The following PASD1 variants were observed in gnomAD, a reference collection of about 807,000 sequenced individuals.
PASD1 encodes the protein circadian clock protein PASD1.
In PASD1, 13 loss-of-function variants were observed where a neutral mutation model predicts 58.8. That is an observed-to-expected ratio of 0.22 (90% CI 0.14 to 0.35). The LOEUF is 0.35. PASD1 is among the 10% of genes least tolerant of loss of function. The pLI is 1.00. For missense variants in PASD1, 734 were observed against 568.3 expected (o/e 1.29, Z -2.96); for synonymous variants, 236 against 216.7 (o/e 1.09, Z -0.78).
rs762011795 is a variant in PASD1, at chrX:151,604,681, A to G, written c.64A>G (p.Asn22Asp). 12 of 1,207,658 alleles carry G rather than the reference A, an allele frequency of 9.9e-6. No individual in the cohort carries two copies. In the Admixed American group the frequency reaches 2.4e-4, roughly 24 times the overall value. Residue 22 changes from asparagine (N) to aspartate (D), a missense_variant, in exon 3 of 16, where the codon AAC (asparagine) becomes GAC (aspartate). By Grantham distance (23) the Asn-to-Asp change is conservative. Coordinates refer to ENST00000370357, the MANE Select transcript of PASD1 (RefSeq NM_173493.3). ...TCCAAAAAGCTCTCAAAGGAAATTA[A>G]ACTGGATTCCATCATTTCCTACCTA... ...VNPKSSQRKL[N>D]WIPSFPTYDY...
chrX:151,621,743 A>C (rs1247544471), intron 6 of PASD1, 151 bp downstream of exon 6: 1 of 323,756 alleles, frequency 3.1e-6, no homozygotes, highest in East Asian at 4.8e-5. Flanking sequence ...TAGACTTTTA[A>C]AAATTAACAG....
intron 3 of PASD1, among the ~76,000 whole-genome samples, chrX:151,607,517 A>G (rs2124257861): frequency 9.0e-6 from 1 of 111,715 alleles, no homozygotes; most frequent in South Asian, 3.8e-4. Flanking sequence ...GAACTGAAAT[A>G]TAGGGTAGTT....
At position 151,669,228 on chromosome X, in the gene PASD1, A is replaced by C. The variant is rs189876025; in HGVS notation, c.1072-1810A>C. Among the ~76,000 whole-genome samples the C allele has an allele frequency of 5.0e-3, 524 of 105,111 alleles. 6 individuals are homozygous for C. Among genetic ancestry groups the C allele is most frequent in the African/African-American group, 0.017 (498 of 28,922 alleles). The allele number at this position is 105,111 out of a possible 115,157, so 91.3% of individuals were successfully genotyped here. A position where few individuals can be genotyped will look rare whatever the true frequency, so the allele number is the denominator to read the frequency against. ...AGTATACATAGTTTAGTGCCAATTGATGGTTTTCATATTATATATATACTA... is the reference window on the plus strand; with the variant it reads ...AGTATACATAGTTTAGTGCCAATTGCTGGTTTTCATATTATATATATACTA... On this transcript the variant is annotated intron_variant, in intron 11 of 15. Transcript: ENST00000370357.
chrX:151,664,837 C>A (rs374665459), intron 11 of PASD1, among the ~76,000 whole-genome samples: 2 of 111,571 alleles, frequency 1.8e-5, no homozygotes, highest in East Asian at 5.6e-4. Context: ...TTAGATATAC[C>A]CAACCTTGAA....
Position 151,676,658 on chromosome X carries a change from C to T in PASD1, c.*515C>T, listed in dbSNP as rs1243876359. On this transcript the variant is annotated 3_prime_UTR_variant, in exon 16 of 16. Transcript: ENST00000370357. ...GAGAATGGGACTCCAACTAAGGGAA[C>T]CTGAAATCAACTCAATGGAGGCACT... 8.9e-6 allele frequency: 1 copy of T among 112,726 alleles called. No homozygotes were observed. The allele number at this position is 112,726 out of a possible 1,213,427, so 9.3% of individuals were successfully genotyped here.
intron 8 of PASD1, among the ~76,000 whole-genome samples, chrX:151,627,176 T>C (rs2013798946): frequency 1.8e-5 from 2 of 111,479 alleles, no homozygotes; most frequent in African/African-American, 6.5e-5. Flanking sequence ...TTTTTATTTT[T>C]ATTTATTTAT....
In PASD1 at chrX:151,659,190, C is replaced by T. The variant is rs751380362; in HGVS notation, c.718-523C>T. Among the ~76,000 whole-genome samples, 5 of 112,270 alleles carry T rather than the reference C, an allele frequency of 4.5e-5. No individual in the cohort carries two copies. In the South Asian group the frequency reaches 1.9e-3, roughly 42 times the overall value. On this transcript the variant is annotated intron_variant, in intron 9 of 15. Transcript: ENST00000370357. The stretch of plus-strand genomic sequence containing the variant: ...AAGACATGCAATAGTTGTTAAACAG[C>T]CCCTGGTTGGCCTTTTCTTGCTCTA...
intron 1 of PASD1, among the ~76,000 whole-genome samples, chrX:151,588,954 T>C (rs1239780489): frequency 9.0e-6 from 1 of 111,706 alleles, no homozygotes; most frequent in Non-Finnish European, 1.9e-5. Context: ...CTCTACTTTT[T>C]TTCTCAGTGA....
intron 7 of PASD1, 139 bp downstream of exon 7, chrX:151,623,203 T>A: frequency 1.4e-6 from 1 of 694,170 alleles, no homozygotes; most frequent in South Asian, 4.9e-5. Context: ...CTGGGATATG[T>A]AAATAAGGAA....
At chrX:151,592,889 C>T (rs2013269115) in intron 1 of PASD1, among the ~76,000 whole-genome samples, 2 of 111,606 alleles carry the variant, frequency 1.8e-5, no homozygotes, top group African/African-American at 3.3e-5. Flanking sequence ...GTTAAGTCTT[C>T]GATATCCTTA....
At chrX:151,598,553 C>T (rs2013352598) in intron 1 of PASD1, among the ~76,000 whole-genome samples, 1 of 111,057 alleles carries the variant, frequency 9.0e-6, no homozygotes, top group Non-Finnish European at 1.9e-5. Context: ...CCATTTTGTC[C>T]TTCATGTCTC....
Position 151,674,069 on chromosome X carries a change from A to G in PASD1, c.2058A>G (p.Pro686=), listed in dbSNP as rs1188159247. The G allele has an allele frequency of 8.3e-7, 1 of 1,210,054 alleles. No homozygotes were observed. Among genetic ancestry groups the G allele is most frequent in the Non-Finnish European group, 1.1e-6 (1 of 895,063 alleles). Residue 686 remains proline, a synonymous_variant, in exon 15 of 16, where the codon CCA becomes CCG. Coordinates refer to ENST00000370357, the MANE Select transcript of PASD1 (RefSeq NM_173493.3). ...CAACCATAAGCACCCTGGAGACCCC[A>G]CAGGATTACATCCGGCTTTGGCAAG... ...SDSTISTLET[P]QDYIRLWQEL... is the part of the protein sequence containing the mutation.
chrX:151,586,291 A>G (rs2124236302), intron 1 of PASD1, among the ~76,000 whole-genome samples: 1 of 112,529 alleles, frequency 8.9e-6, no homozygotes, highest in African/African-American at 3.2e-5. Context: ...GAGAGCTTTT[A>G]GAGTAATCAC....
intron 1 of PASD1, among the ~76,000 whole-genome samples, chrX:151,565,472 G>T (rs2012822895): frequency 9.0e-6 from 1 of 110,910 alleles, no homozygotes; most frequent in East Asian, 2.8e-4. Flanking sequence ...CATCAGCAAA[G>T]AACAGGCGTG....
intron 8 of PASD1, among the ~76,000 whole-genome samples, chrX:151,644,544 G>C (rs145345318): frequency 1.2e-3 from 130 of 111,433 alleles, no homozygotes; most frequent in African/African-American, 4.1e-3. Context: ...TTTTCTAGGA[G>C]AGAGAATTAA....
At chrX:151,595,595 G>C (rs2013311984) in intron 1 of PASD1, among the ~76,000 whole-genome samples, 1 of 109,589 alleles carries the variant, frequency 9.1e-6, no homozygotes, top group African/African-American at 3.3e-5. Context: ...CGTTGTGGCA[G>C]GCCCCTGTAG....
At chrX:151,647,908 C>T (rs1158743410) in intron 8 of PASD1, among the ~76,000 whole-genome samples, 1 of 111,178 alleles carries the variant, frequency 9.0e-6, no homozygotes, top group Non-Finnish European at 1.9e-5. Context: ...TGTCTTGCTG[C>T]TCTGAGGTCT....
rs1300790643 is a variant in PASD1, at chrX:151,611,600, C to CAAT, written c.118-61_118-59dup. 7.7e-6 allele frequency: 6 copies of CAAT among 774,936 alleles called. No individual in the cohort carries two copies. In the African/African-American group the frequency reaches 1.3e-4, roughly 16 times the overall value. 63.9% of individuals were successfully genotyped at this position (774,936 alleles called of 1,213,427 possible). A position where few individuals can be genotyped will look rare whatever the true frequency, so the allele number is the denominator to read the frequency against. ...CTATTATAATTATCTATGCATTTAG[C>CAAT]AATAAAACTATCATTTTATTATTGT... On this transcript the variant is annotated intron_variant, in intron 3 of 15. Transcript: ENST00000370357.
chrX:151,632,659 A>G (rs1569409993), intron 8 of PASD1, among the ~76,000 whole-genome samples: 4 of 111,926 alleles, frequency 3.6e-5, no homozygotes, highest in Non-Finnish European at 7.5e-5. Flanking sequence ...CTACTCTACT[A>G]ATTCTACCTA....
Sources: gnomAD v4.1 joint callset for allele counts (sites outside exome capture counted in the v4.1 genomes callset) on GRCh38, gnomAD v4.1.1 for gene constraint, MANE v1.5 for transcripts, NCBI Gene and HGNC (gene_info 2026-07-23, HGNC 2026-07-21) for gene names.